Variants in C12orf54 observed in about 807,000 individuals in gnomAD.
C12orf54 encodes the protein chromosome 12 open reading frame 54.
Under a neutral mutation model 26.4 loss-of-function variants are expected in C12orf54, and 24 were observed. The ratio of observed to expected loss-of-function variants is 0.91; its 90% CI spans 0.66 to 1.28. The LOEUF (loss-of-function observed/expected upper bound fraction) is 1.28, where lower values mean the gene tolerates loss of function less well. Among genes scored for constraint, C12orf54 ranks in the 50% most tolerant of loss-of-function variants. The pLI, the probability that C12orf54 is intolerant of heterozygous loss-of-function variation, is 0.00. For synonymous variants in C12orf54, 54 were observed against 47.0 expected (o/e 1.15, Z -0.61); for missense variants, 154 against 150.9 (o/e 1.02, Z -0.11).
chr12:48,474,874 C>G, the C12orf54 span, among the ~76,000 whole-genome samples: 3 of 152,230 alleles, frequency 2.0e-5, no homozygotes, highest in Admixed American at 6.5e-5. Flanking sequence ...TTAAATTTCC[C>G]TGTCTGACAG....
At chr12:48,443,748 C>G in the C12orf54 span, among the ~76,000 whole-genome samples, 1 of 152,106 alleles carries the variant, frequency 6.6e-6, no homozygotes, top group African/African-American at 2.4e-5. Flanking sequence ...TTCTTTTTTG[C>G]CTACTCTGCA....
At chr12:48,419,098 C>T in the C12orf54 span, among the ~76,000 whole-genome samples, 5 of 152,156 alleles carry the variant, frequency 3.3e-5, no homozygotes, top group African/African-American at 1.2e-4. Flanking sequence ...ACTCAAATTA[C>T]CTTCTTAATG....
chr12:48,417,875 G>A, the C12orf54 span, among the ~76,000 whole-genome samples: 1 of 152,066 alleles, frequency 6.6e-6, no homozygotes, highest in African/African-American at 2.4e-5. Context: ...TAGAATAATG[G>A]CCTCCAGTTG....
the C12orf54 span, among the ~76,000 whole-genome samples, chr12:48,433,830 C>T: frequency 1.1e-4 from 17 of 152,142 alleles, no homozygotes; most frequent in African/African-American, 2.7e-4. Flanking sequence ...CAGCTCCCAG[C>T]GTGAGCAATG....
At chr12:48,423,660 G>T in the C12orf54 span, among the ~76,000 whole-genome samples, 2 of 152,106 alleles carry the variant, frequency 1.3e-5, no homozygotes, top group East Asian at 3.9e-4. Context: ...AATGTACTTT[G>T]TTTTCTTGCT....
In C12orf54 at chr12:48,483,445, G is replaced by C. The variant is rs1489915291; in HGVS notation, c.65+84G>C. The C allele has an allele frequency of 4.5e-6, 6 of 1,331,636 alleles. No individual in the cohort carries two copies. The Admixed American group carries it at 1.2e-4, about 27-fold the overall frequency. 82.5% of individuals were successfully genotyped at this position (1,331,636 alleles called of 1,614,324 possible). ...GAACCAGGGCCTCCTGTCTTCTATG[G>C]CTCTTCATTTGGCTTCACTTGCTTC... On this transcript the variant is annotated intron_variant, in intron 2 of 8. Coordinates refer to ENST00000548364, the MANE Select transcript of C12orf54 (RefSeq NM_152319.4).
the C12orf54 span, chr12:48,472,729 T>G: frequency 1.2e-6 from 2 of 1,614,116 alleles, no homozygotes; most frequent in Non-Finnish European, 1.7e-6. Flanking sequence ...GTGAAAGAAC[T>G]TTTCCTGGAC....
chr12:48,414,627 A>G, the C12orf54 span, among the ~76,000 whole-genome samples: 20 of 152,094 alleles, frequency 1.3e-4, no homozygotes, highest in Admixed American at 2.6e-4. Flanking sequence ...TCTACTTGGT[A>G]TCCATGTGCC....
the C12orf54 span, among the ~76,000 whole-genome samples, chr12:48,440,218 C>A: frequency 6.6e-6 from 1 of 150,764 alleles, no homozygotes; most frequent in East Asian, 1.9e-4. Context: ...GAGTGAGACT[C>A]CATCTCAAAA....
the C12orf54 span, among the ~76,000 whole-genome samples, chr12:48,474,327 C>T: frequency 1.2e-4 from 19 of 152,282 alleles, no homozygotes; most frequent in Middle Eastern, 6.8e-3. Flanking sequence ...ATACAGAAGA[C>T]AGGTGATTTC....
At chr12:48,431,861 G>A in the C12orf54 span, among the ~76,000 whole-genome samples, 1 of 152,094 alleles carries the variant, frequency 6.6e-6, no homozygotes, top group Non-Finnish European at 1.5e-5. Flanking sequence ...ATTTCTTTGG[G>A]GATGACAAAA....
At chr12:48,421,512 C>CTTTTT in the C12orf54 span, among the ~76,000 whole-genome samples, 11 of 43,476 alleles carry the variant, frequency 2.5e-4, 4 homozygotes, top group Admixed American at 1.3e-3. Context: ...ATATCATGTG[C>CTTTTT]TTTTTTTTTT....
the C12orf54 span, among the ~76,000 whole-genome samples, chr12:48,427,645 A>G: frequency 6.6e-6 from 1 of 152,094 alleles, no homozygotes; most frequent in Non-Finnish European, 1.5e-5. Context: ...ACATATATGC[A>G]CCTAACACGG....
chr12:48,495,029 G>T, intron 8 of C12orf54, 50 bp downstream of exon 8: 4 of 1,422,916 alleles, frequency 2.8e-6, no homozygotes, highest in Middle Eastern at 1.9e-4. Context: ...GCCCATCTGT[G>T]GTAGTCAGGA....
Position 48,483,284 on chromosome 12 carries a change from T to C in C12orf54, c.-13T>C, listed in dbSNP as rs747919294. 6.2e-7 allele frequency: 1 copy of C among 1,613,700 alleles called. No homozygotes were observed. Among genetic ancestry groups the C allele is most frequent in the Non-Finnish European group, 8.5e-7 (1 of 1,179,664 alleles). ...CTTCAGCTCCAGAGTCCTTGGTTTC[T>C]GTCTGAGAACAAATGGCACAGCATC... On this transcript the variant is annotated 5_prime_UTR_variant, in exon 2 of 9. Coordinates refer to ENST00000548364, the MANE Select transcript of C12orf54 (RefSeq NM_152319.4).
At chr12:48,457,702 C>T in the C12orf54 span, among the ~76,000 whole-genome samples, 17 of 152,118 alleles carry the variant, frequency 1.1e-4, no homozygotes, top group Admixed American at 9.8e-4. Flanking sequence ...GCTTCGGCTT[C>T]GGTGCCCAGA....
rs550123068 is a variant in C12orf54 at position 48,491,678 on chromosome 12, G to A, written c.193+842G>A. Among the ~76,000 whole-genome samples, 5 of 152,250 alleles carry A rather than the reference G, an allele frequency of 3.3e-5. No individual in the cohort carries two copies. The South Asian group carries it at 1.0e-3, about 32-fold the overall frequency. On this transcript the variant is annotated intron_variant, in intron 6 of 8. Coordinates refer to ENST00000548364, the MANE Select transcript of C12orf54 (RefSeq NM_152319.4). ...GATTATTCTGGGTGGTCAAGTTACA[G>A]TTTTCAAATGCCCAGATGCTAATTC...
At chr12:48,435,300 C>G in the C12orf54 span, among the ~76,000 whole-genome samples, 1 of 152,154 alleles carries the variant, frequency 6.6e-6, no homozygotes, top group African/African-American at 2.4e-5. Flanking sequence ...GTACCTGAAA[C>G]TGATGGGGAG....
At chr12:48,429,310 C>T in the C12orf54 span, among the ~76,000 whole-genome samples, 4 of 152,154 alleles carry the variant, frequency 2.6e-5, no homozygotes, top group South Asian at 8.3e-4. Flanking sequence ...TCTGGAAGTC[C>T]TAGTCATAGC....
Sources: gnomAD v4.1 joint callset for allele counts (sites outside exome capture counted in the v4.1 genomes callset) on GRCh38, gnomAD v4.1.1 for gene constraint, MANE v1.5 for transcripts, NCBI Gene and HGNC (gene_info 2026-07-23, HGNC 2026-07-21) for gene names.